The following CC2D1B variants were observed in gnomAD, a reference collection of about 807,000 sequenced individuals.
The protein encoded by CC2D1B is coiled-coil and C2 domain-containing protein 1B.
In CC2D1B, 92 loss-of-function variants were observed where a neutral mutation model predicts 110.8. The ratio of observed to expected loss-of-function variants is 0.83; its 90% CI spans 0.70 to 0.99. The LOEUF (loss-of-function observed/expected upper bound fraction) is 0.99, where lower values mean the gene tolerates loss of function less well. Ranked by LOEUF, CC2D1B falls within the 50% of genes least tolerant of loss-of-function variation. The probability of loss-of-function intolerance (pLI) is 0.00; values close to 1 mark genes in which losing one functional copy is unlikely to be tolerated. For synonymous variants in CC2D1B, 406 were observed against 429.2 expected (o/e 0.95, Z 0.67); for missense variants, 1,136 against 1,089.0 (o/e 1.04, Z -0.61).
In CC2D1B at chr1:52,359,359, TGG is replaced by T; in HGVS notation, c.1019-4_1019-3del. The T allele has an allele frequency of 1.2e-6, 2 of 1,613,574 alleles. No homozygotes were observed. Among genetic ancestry groups the T allele is most frequent in the Non-Finnish European group, 1.7e-6 (2 of 1,179,890 alleles). On this transcript the variant is annotated splice_region_variant and splice_polypyrimidine_tract_variant and intron_variant, in intron 9 of 24. Coordinates refer to ENST00000284376, the MANE Select transcript of CC2D1B (RefSeq NM_001330585.2). Reference sequence around the variant, plus strand: ...GAGAAGCCTGCTGGGGCTTCAGATCTGGGGGACCCAGAGTAGAGGTGTAGGTG... The same window carrying T: ...GAGAAGCCTGCTGGGGCTTCAGATCTGGGACCCAGAGTAGAGGTGTAGGTG...
chr1:52,358,062 C>T, intron 13 of CC2D1B, 164 bp from the exon 14 acceptor site: 2 of 1,100,990 alleles, frequency 1.8e-6, no homozygotes, highest in East Asian at 5.3e-5. Flanking sequence ...CTAGAAGCAG[C>T]CTCAGAAGCT....
chr1:52,353,087 A>C lies in CC2D1B; in HGVS notation c.*138T>G. 9 of 802,036 alleles carry C rather than the reference A, an allele frequency of 1.1e-5. No homozygotes were observed. The highest frequency in any genetic ancestry group is 6.4e-5 in the East Asian group (1 of 15,712). 49.7% of individuals were successfully genotyped at this position (802,036 alleles called of 1,614,324 possible). On this transcript the variant is annotated 3_prime_UTR_variant, in exon 25 of 25. Transcript: ENST00000284376. ...AGGAAAGACCAGAGTCGTGGTCAGT[A>C]GTGCACATGCTTAACAGGTCTTTGG...
chr1:52,353,858 A>C (rs41294498), intron 23 of CC2D1B: 12,136 of 493,186 alleles, frequency 0.025, 227 homozygotes, highest in Non-Finnish European at 0.034. Flanking sequence ...AGTAATAAAT[A>C]AATCCAGACA....
rs1646529300 is a variant in CC2D1B, at chr1:52,351,453, A to AC, written c.*1771dup. ...GGTTGGGTTAGGAACCCTTCCAGTCACCTTTCTTTGCTCTATAGGTCATCT... is the reference window on the plus strand; with the variant it reads ...GGTTGGGTTAGGAACCCTTCCAGTCACCCTTTCTTTGCTCTATAGGTCATCT... On this transcript the variant is annotated 3_prime_UTR_variant, in exon 25 of 25. Transcript: ENST00000284376. 1 of 152,004 alleles carries AC rather than the reference A, an allele frequency of 6.6e-6. No individual in the cohort carries two copies. The highest frequency in any genetic ancestry group is 2.4e-5 in the African/African-American group (1 of 41,392). 9.4% of individuals were successfully genotyped at this position (152,004 alleles called of 1,614,324 possible). A position where few individuals can be genotyped will look rare whatever the true frequency, so the allele number is the denominator to read the frequency against.
At position 52,359,351 on chromosome 1, in the gene CC2D1B, T is replaced by C; in HGVS notation, c.1025A>G (p.Lys342Arg). ...GGGAGCCTGAGAAGCCTGCTGGGGC[T>C]TCAGATCTGGGGGACCCAGAGTAGA... Reference protein sequence around the residue: ...SAMPPAPEDLKPQQASQAPTA... With the variant: ...SAMPPAPEDLRPQQASQAPTA... The change falls in exon 10 of 25, where the codon AAG (lysine) becomes AGG (arginine). Residue 342 changes from lysine (K) to arginine (R), a missense_variant. By Grantham distance (26) the Lys-to-Arg change is conservative. Transcript: ENST00000284376. 1 of 1,613,414 alleles carries C rather than the reference T, an allele frequency of 6.2e-7. No homozygotes were observed. The highest frequency in any genetic ancestry group is 8.5e-7 in the Non-Finnish European group (1 of 1,179,796).
At chr1:52,360,944 G>C in intron 5 of CC2D1B, 30 bp downstream of exon 5, 1 of 1,612,626 alleles carries the variant, frequency 6.2e-7, no homozygotes, top group Non-Finnish European at 8.5e-7. Context: ...AGGAGCATCA[G>C]AGGCACAGGG....
Position 52,355,781 on chromosome 1 carries a change from T to G in CC2D1B, c.2118A>C (p.Pro706=), listed in dbSNP as rs763808717. The G allele has an allele frequency of 1.2e-5, 20 of 1,614,004 alleles. No individual in the cohort carries two copies. Among genetic ancestry groups the G allele is most frequent in the South Asian group, 3.3e-5 (3 of 91,088 alleles). ...HLIIVRGMNL[P]APPGVTPDDL... ...CGGCCCTAGGGTTACCTGGAGGGGCTGGGAGGTTCATTCCCCGGACAATGA... is the reference window on the plus strand; with the variant it reads ...CGGCCCTAGGGTTACCTGGAGGGGCGGGGAGGTTCATTCCCCGGACAATGA... The change falls in exon 19 of 25, where the codon CCA becomes CCC. Residue 706 remains proline, a synonymous_variant. Transcript: ENST00000284376.
intron 2 of CC2D1B, among the ~76,000 whole-genome samples, chr1:52,362,963 G>C (rs1406956538): frequency 6.6e-6 from 1 of 152,220 alleles, no homozygotes; most frequent in Non-Finnish European, 1.5e-5. Flanking sequence ...CTGAAACTGA[G>C]ACAGTCTTGT....
intron 24 of CC2D1B, 62 bp from the exon 25 acceptor site, chr1:52,353,285 A>G: frequency 6.8e-7 from 1 of 1,462,450 alleles, no homozygotes; most frequent in South Asian, 1.3e-5. Context: ...CAAAGATTTT[A>G]GAAAGGGTTT....
chr1:52,353,456 T>C, intron 24 of CC2D1B, 62 bp downstream of exon 24: 1 of 1,554,112 alleles, frequency 6.4e-7, no homozygotes, highest in Non-Finnish European at 8.7e-7. Context: ...CAGATATGAG[T>C]TGAGTAGTTA....
chr1:52,354,561 C>T, intron 23 of CC2D1B, 47 bp downstream of exon 23: 2 of 1,497,450 alleles, frequency 1.3e-6, no homozygotes, highest in Non-Finnish European at 1.9e-6. Flanking sequence ...TGCGTATTGG[C>T]TCTTGTCGTA....
rs763161824 is a variant in CC2D1B at position 52,359,030 on chromosome 1, G to T, written c.1254C>A (p.Ala418=). The part of the protein sequence containing the change: ...ERKARMHERI[A]KQYQDAIRAH... ...GGCTGCATAGCCGCGGGCCCACCTT[G>T]GCAATGCGCTCATGCATCCGAGCCT... The change falls in exon 11 of 25, where the codon GCC becomes GCA. Residue 418 remains alanine (A), a synonymous_variant. Transcript: ENST00000284376. 80 of 1,605,788 alleles carry T rather than the reference G, an allele frequency of 5.0e-5. No individual in the cohort carries two copies. Among genetic ancestry groups the T allele is most frequent in the Non-Finnish European group, 6.8e-5 (80 of 1,179,698 alleles).
intron 18 of CC2D1B, 144 bp from the exon 19 acceptor site, chr1:52,355,988 T>C: frequency 2.1e-6 from 2 of 955,152 alleles, no homozygotes; most frequent in South Asian, 1.4e-5. Context: ...CTCTGACTTC[T>C]GGTCCAGAGC....
At chr1:52,355,333 C>G (rs1046708253) in intron 21 of CC2D1B, 65 bp downstream of exon 21, 10 of 1,555,990 alleles carry the variant, frequency 6.4e-6, no homozygotes, top group South Asian at 1.1e-5. Context: ...GGAACCCACT[C>G]TGGAAACACC....
intron 2 of CC2D1B, among the ~76,000 whole-genome samples, chr1:52,364,053 G>A (rs1189605338): frequency 6.6e-6 from 1 of 152,172 alleles, no homozygotes; most frequent in African/African-American, 2.4e-5. Flanking sequence ...TTTAAAACAA[G>A]CTCTTTGCGA....
chr1:52,356,553 C>T, intron 16 of CC2D1B, 111 bp from the exon 17 acceptor site: 1 of 1,127,470 alleles, frequency 8.9e-7, no homozygotes. Context: ...CCTCACCTCT[C>T]TCCTCCCACA....
At chr1:52,355,007 GC>G in intron 21 of CC2D1B, 68 bp from the exon 22 acceptor site, 1 of 1,312,332 alleles carries the variant, frequency 7.6e-7, no homozygotes, top group African/African-American at 1.4e-5. Context: ...GGAAATGGAG[GC>G]CCAGGGCTGG....
chr1:52,362,639 T>G lies in CC2D1B; in HGVS notation c.177A>C (p.Ala59=). 6.2e-7 allele frequency: 1 copy of G among 1,614,214 alleles called. No homozygotes were observed. The part of the protein sequence containing the change: ...EAELLALTGE[A]QTTGKKPAPK... ...GTGCTGGCTTCTTGCCTGTGGTTTGTGCTTCCCCTGTGAGAGCCAGCAGCT... is the reference window on the plus strand; with the variant it reads ...GTGCTGGCTTCTTGCCTGTGGTTTGGGCTTCCCCTGTGAGAGCCAGCAGCT... The change falls in exon 3 of 25, where the codon GCA becomes GCC. Residue 59 remains alanine, a synonymous_variant. Transcript: ENST00000284376.
In CC2D1B at chr1:52,359,798, C is replaced by G; in HGVS notation, c.849G>C (p.Leu283=). The stretch of plus-strand genomic sequence containing the variant: ...CTTTGTACTCTCTCTGTCGGGATGA[C>G]AGCAGGGCCCGCGGGTCTGGGTCTA... The part of the protein sequence containing the change: ...SDLDPDPRAL[L]SSRQREYKVA... The change falls in exon 8 of 25, where the codon CTG becomes CTC. Residue 283 remains leucine, a synonymous_variant. Transcript: ENST00000284376. The G allele has an allele frequency of 6.2e-7, 1 of 1,611,524 alleles. No homozygotes were observed. The highest frequency in any genetic ancestry group is 8.5e-7 in the Non-Finnish European group (1 of 1,178,962).
Sources: gnomAD v4.1 joint callset for allele counts (sites outside exome capture counted in the v4.1 genomes callset) on GRCh38, gnomAD v4.1.1 for gene constraint, MANE v1.5 for transcripts, NCBI Gene and HGNC (gene_info 2026-07-23, HGNC 2026-07-21) for gene names.